INPP4B: variants seen among roughly 807,000 people sequenced by gnomAD.
The protein encoded by INPP4B is inositol polyphosphate 4-phosphatase type II.
INPP4B carries 55 observed loss-of-function variants against 122.5 expected under a neutral mutation model. The ratio of observed to expected loss-of-function variants is 0.45; its 90% CI spans 0.36 to 0.56. The LOEUF (loss-of-function observed/expected upper bound fraction) is 0.56. Ranked by LOEUF, INPP4B falls within the 20% of genes least tolerant of loss-of-function variation. The pLI is 0.00. For synonymous variants in INPP4B, 403 were observed against 388.7 expected, an observed-to-expected ratio of 1.04 and a Z score of -0.43; for missense variants, 1,000 against 1,097.7, an observed-to-expected ratio of 0.91 and a Z score of 1.26.
At chr4:142,695,755 C>A (rs1192824566) in intron 2 of INPP4B, among the ~76,000 whole-genome samples, 1 of 152,134 alleles carries the variant, frequency 6.6e-6, no homozygotes, top group Non-Finnish European at 1.5e-5. Flanking sequence ...CTCTATCCAA[C>A]AGAGCACTAA....
At chr4:142,188,947 A>C (rs899791418) in intron 15 of INPP4B, among the ~76,000 whole-genome samples, 4 of 152,326 alleles carry the variant, frequency 2.6e-5, no homozygotes, top group Admixed American at 2.0e-4. Context: ...GTAACAGTAT[A>C]AGGTTTTGCC....
chr4:142,273,945 A>G (rs942995107), intron 9 of INPP4B, among the ~76,000 whole-genome samples: 6 of 151,892 alleles, frequency 4.0e-5, no homozygotes, highest in Admixed American at 3.9e-4. Flanking sequence ...CTCTCTATTT[A>G]TTCTGTTAAA....
At chr4:142,193,005 G>A (rs751118658) in intron 15 of INPP4B, 82 bp downstream of exon 15, 6 of 792,358 alleles carry the variant, frequency 7.6e-6, no homozygotes, top group East Asian at 4.9e-5. Context: ...ACATTGTGAT[G>A]GACCAATCAC....
chr4:142,845,892 G>A (rs1784129737), intron 1 of INPP4B, among the ~76,000 whole-genome samples: 1 of 152,116 alleles, frequency 6.6e-6, no homozygotes, highest in Non-Finnish European at 1.5e-5. Flanking sequence ...GGCCCGGAGA[G>A]TGTGCGTGTG....
chr4:142,755,626 T>C (rs1357266807), intron 1 of INPP4B, among the ~76,000 whole-genome samples: 1 of 152,060 alleles, frequency 6.6e-6, no homozygotes, highest in Non-Finnish European at 1.5e-5. Context: ...GATATAAAAT[T>C]AATCTGGAGC....
At chr4:142,709,982 A>C (rs1479592992) in intron 2 of INPP4B, among the ~76,000 whole-genome samples, 1 of 152,198 alleles carries the variant, frequency 6.6e-6, no homozygotes, top group African/African-American at 2.4e-5. Context: ...TATATTACTT[A>C]ATACTATTTG....
chr4:142,229,417 G>A (rs1579362429), intron 12 of INPP4B, among the ~76,000 whole-genome samples: 2 of 152,096 alleles, frequency 1.3e-5, no homozygotes, highest in African/African-American at 4.8e-5. Context: ...TTTGACAATG[G>A]TGCCTTATTC....
intron 1 of INPP4B, among the ~76,000 whole-genome samples, chr4:142,830,228 G>A (rs1298620593): frequency 6.6e-6 from 1 of 152,048 alleles, no homozygotes; most frequent in East Asian, 1.9e-4. Context: ...TTAATAAAAG[G>A]AAAATTCAGT....
In INPP4B at chr4:142,587,249, T is replaced by C. The variant is rs997986229; in HGVS notation, c.-190-124523A>G. On this transcript the variant is annotated intron_variant, in intron 2 of 25. Coordinates refer to ENST00000262992, the MANE Select transcript of INPP4B (RefSeq NM_001101669.3). ...AAGAAGATAACACCCCATCCATTTT[T>C]AAGAGGTCATTTTTTTTATATCACT... is the stretch of plus-strand genomic sequence containing the variant. Among the ~76,000 whole-genome samples, 45 of 152,254 alleles carry C rather than the reference T, an allele frequency of 3.0e-4. 1 individual carries two copies. The highest frequency in any genetic ancestry group is 1.1e-3 in the African/African-American group (44 of 41,546).
chr4:142,663,278 A>T (rs892358242), intron 2 of INPP4B, among the ~76,000 whole-genome samples: 7 of 152,186 alleles, frequency 4.6e-5, no homozygotes, highest in Non-Finnish European at 1.0e-4. Flanking sequence ...CATCTCTTTA[A>T]AAACATTCAA....
At chr4:142,636,233 C>T (rs1749134731) in intron 2 of INPP4B, among the ~76,000 whole-genome samples, 2 of 152,072 alleles carry the variant, frequency 1.3e-5, no homozygotes, top group Non-Finnish European at 2.9e-5. Context: ...GTCAATTAAA[C>T]CTCTTTTCTT....
intron 12 of INPP4B, among the ~76,000 whole-genome samples, chr4:142,221,408 A>G (rs1305009961): frequency 1.3e-5 from 2 of 150,550 alleles, no homozygotes; most frequent in African/African-American, 2.4e-5. Flanking sequence ...AAAAAAAAAA[A>G]AAAAAAAGAA....
intron 2 of INPP4B, among the ~76,000 whole-genome samples, chr4:142,521,850 T>C (rs977989297): frequency 3.9e-5 from 6 of 152,148 alleles, no homozygotes; most frequent in East Asian, 1.9e-4. Flanking sequence ...ATAATGCATA[T>C]AGAATTAGTT....
chr4:142,752,662 C>A (rs1057448500), intron 1 of INPP4B, among the ~76,000 whole-genome samples: 3 of 152,038 alleles, frequency 2.0e-5, no homozygotes, highest in African/African-American at 7.2e-5. Context: ...AAGAGTCGTA[C>A]AGGAATCTTA....
chr4:142,448,495 C>A (rs1194356800), intron 3 of INPP4B, among the ~76,000 whole-genome samples: 1 of 152,124 alleles, frequency 6.6e-6, no homozygotes, highest in African/African-American at 2.4e-5. Flanking sequence ...AATGTCAAAT[C>A]ACTTAAAAAC....
intron 2 of INPP4B, among the ~76,000 whole-genome samples, chr4:142,685,623 G>A (rs983020888): frequency 8.5e-5 from 13 of 152,092 alleles, no homozygotes; most frequent in African/African-American, 2.9e-4. Flanking sequence ...CGCCAGTCAC[G>A]TTGGCTTACA....
At chr4:142,694,720 G>A (rs1212309937) in intron 2 of INPP4B, among the ~76,000 whole-genome samples, 5 of 152,228 alleles carry the variant, frequency 3.3e-5, no homozygotes, top group East Asian at 1.9e-4. Context: ...GGTGAGCTCC[G>A]CATCTGATAC....
At chr4:142,596,819 T>C (rs556475587) in intron 2 of INPP4B, among the ~76,000 whole-genome samples, 4 of 152,292 alleles carry the variant, frequency 2.6e-5, no homozygotes, top group Admixed American at 1.3e-4. Flanking sequence ...TTTGTGGAAA[T>C]CAATAAAGTA....
chr4:142,047,096 G>A (rs948168491), intron 25 of INPP4B, among the ~76,000 whole-genome samples: 1 of 152,070 alleles, frequency 6.6e-6, no homozygotes, highest in African/African-American at 2.4e-5. Flanking sequence ...CACTTGCAAC[G>A]ATTCTCTGCA....
Sources: gnomAD v4.1 joint callset for allele counts (sites outside exome capture counted in the v4.1 genomes callset) on GRCh38, gnomAD v4.1.1 for gene constraint, MANE v1.5 for transcripts, NCBI Gene and HGNC (gene_info 2026-07-23, HGNC 2026-07-21) for gene names.